NIPAL3: variants seen among roughly 807,000 people sequenced by gnomAD.
NIPAL3 encodes the protein NIPA like domain containing 3.
In NIPAL3, 41 loss-of-function variants were observed where a neutral mutation model predicts 47.2. The ratio of observed to expected loss-of-function variants is 0.87; its 90% CI spans 0.68 to 1.13. The LOEUF is 1.13. Ranked by LOEUF, NIPAL3 falls within the 50% of genes most tolerant of loss-of-function variation. NIPAL3 has a pLI of 0.00. For synonymous variants in NIPAL3, 194 were observed against 209.6 expected, an observed-to-expected ratio of 0.93 and a Z score of 0.64; for missense variants, 449 against 530.1, an observed-to-expected ratio of 0.85 and a Z score of 1.50.
intron 6 of NIPAL3, among the ~76,000 whole-genome samples, chr1:24,452,352 G>A (rs1388452590): frequency 1.3e-5 from 2 of 152,156 alleles, no homozygotes; most frequent in Non-Finnish European, 2.9e-5. Context: ...GACTGTCCAG[G>A]TTTAAATTCC....
chr1:24,445,108 C>G, intron 4 of NIPAL3, 77 bp from the exon 5 acceptor site: 1 of 1,003,602 alleles, frequency 1.0e-6, no homozygotes. Flanking sequence ...AAGAAGCCAC[C>G]CAGAGGGCAT....
intron 10 of NIPAL3, among the ~76,000 whole-genome samples, chr1:24,460,914 A>G (rs1646440239): frequency 6.6e-6 from 1 of 152,176 alleles, no homozygotes; most frequent in Non-Finnish European, 1.5e-5. Context: ...GCCTACTACC[A>G]CACTGTTAGC....
intron 6 of NIPAL3, among the ~76,000 whole-genome samples, chr1:24,452,614 A>C (rs1390149792): frequency 3.3e-5 from 5 of 152,228 alleles, no homozygotes; most frequent in Non-Finnish European, 7.3e-5. Context: ...GTTCCAGCCC[A>C]GGTCTCCCTG....
In NIPAL3 at chr1:24,451,691, G is replaced by A. The variant is rs1570331469; in HGVS notation, c.541-1717G>A. On this transcript the variant is annotated intron_variant, in intron 6 of 11. Coordinates refer to ENST00000374399, the MANE Select transcript of NIPAL3 (RefSeq NM_020448.5). The surrounding 1 kb of genome is among the most constrained non-coding windows in gnomAD (Gnocchi z 4.5). Reference sequence around the variant, plus strand: ...TGCACTCCAGCCTGAGTGACACAGTGAGACCCTGTCTCAAAAAAAGAAAAA... The same window carrying A: ...TGCACTCCAGCCTGAGTGACACAGTAAGACCCTGTCTCAAAAAAAGAAAAA... Among the ~76,000 whole-genome samples the A allele has an allele frequency of 6.6e-6, 1 of 151,878 alleles. No homozygotes were observed. The highest frequency in any genetic ancestry group is 1.5e-5 in the Non-Finnish European group (1 of 67,980).
At chr1:24,413,845 C>G (rs531941135), upstream of NIPAL3, 29 of 152,348 alleles carry the variant, frequency 1.9e-4, no homozygotes, top group African/African-American at 6.7e-4. Context: ...AGAGGCGTTT[C>G]AAAGTCCGCA....
In NIPAL3 at chr1:24,472,870, A is replaced by G. The variant is rs750155441; in HGVS notation, c.*3685A>G. On this transcript the variant is annotated 3_prime_UTR_variant, in exon 12 of 12. Transcript: ENST00000374399. Reference sequence around the variant, plus strand: ...TAGAATATATTCTGTGCGGATGCTTATATTTTGTTAACTTCACGACTTATG... The same window carrying G: ...TAGAATATATTCTGTGCGGATGCTTGTATTTTGTTAACTTCACGACTTATG... 2.6e-5 allele frequency: 4 copies of G among 152,042 alleles called. No homozygotes were observed. Among genetic ancestry groups the G allele is most frequent in the Non-Finnish European group, 4.4e-5 (3 of 68,012 alleles). 9.4% of individuals were successfully genotyped at this position (152,042 alleles called of 1,614,324 possible). A position where few individuals can be genotyped will look rare whatever the true frequency, so the allele number is the denominator to read the frequency against.
chr1:24,432,822 G>A (rs940154971), intron 2 of NIPAL3, among the ~76,000 whole-genome samples: 6 of 152,168 alleles, frequency 3.9e-5, no homozygotes, highest in Admixed American at 2.0e-4. Context: ...TATCATTGTC[G>A]TCATCATCTC....
At chr1:24,425,754 A>G (rs1644553582) in intron 2 of NIPAL3, among the ~76,000 whole-genome samples, 1 of 152,136 alleles carries the variant, frequency 6.6e-6, no homozygotes, top group Non-Finnish European at 1.5e-5. Context: ...GGTAAGTCTT[A>G]TACCCATCCT....
At chr1:24,419,716 A>G in intron 2 of NIPAL3, 76 bp downstream of exon 2, 1 of 1,259,878 alleles carries the variant, frequency 7.9e-7, no homozygotes, top group Non-Finnish European at 1.1e-6. Context: ...ATTGGCTAAC[A>G]GATATGTATG....
At chr1:24,438,244 G>C (rs1438346705) in intron 2 of NIPAL3, among the ~76,000 whole-genome samples, 1 of 152,186 alleles carries the variant, frequency 6.6e-6, no homozygotes, top group East Asian at 1.9e-4. Flanking sequence ...ATTCTGTCTT[G>C]CTGCTCATCG....
intron 2 of NIPAL3, 130 bp downstream of exon 2, chr1:24,419,770 C>A: frequency 3.8e-6 from 3 of 788,660 alleles, no homozygotes; most frequent in Admixed American, 2.3e-5. Flanking sequence ...AGGCTCTTCA[C>A]ACAGACAAGG....
At position 24,440,168 on chromosome 1, in the gene NIPAL3, A is replaced by ACAG; in HGVS notation, c.94-3_94-1dup. On this transcript the variant is annotated splice_polypyrimidine_tract_variant and splice_region_variant and intron_variant, in intron 2 of 11. Coordinates refer to ENST00000374399, the MANE Select transcript of NIPAL3 (RefSeq NM_020448.5). ...ATGTCCACTCCTGTGAACTTTCCTT[A>ACAG]CAGGAAAACCTGATTGGCGCCCTCT... is the stretch of plus-strand genomic sequence containing the variant. 6.3e-7 allele frequency: 1 copy of ACAG among 1,578,852 alleles called. No homozygotes were observed.
intron 4 of NIPAL3, among the ~76,000 whole-genome samples, chr1:24,443,087 G>A (rs1419282000): frequency 6.6e-6 from 1 of 152,192 alleles, no homozygotes; most frequent in Non-Finnish European, 1.5e-5. Flanking sequence ...ACAATTGTAA[G>A]CCACCACACT....
intron 2 of NIPAL3, among the ~76,000 whole-genome samples, chr1:24,425,242 A>G (rs1166343936): frequency 1.3e-5 from 2 of 152,236 alleles, no homozygotes; most frequent in Non-Finnish European, 2.9e-5. Context: ...TGTCCAACCC[A>G]CAGCCCAGGA....
Position 24,469,196 on chromosome 1 carries a change from C to A in NIPAL3, c.*11C>A. 1.9e-6 allele frequency: 3 copies of A among 1,610,760 alleles called. No individual in the cohort carries two copies. Among genetic ancestry groups the A allele is most frequent in the Non-Finnish European group, 1.7e-6 (2 of 1,178,650 alleles). The stretch of plus-strand genomic sequence containing the variant: ...ACCAAGAAGGAATGAGACTCGCCTC[C>A]CTCTATTTATAACTGTCCCCTCCAG... On this transcript the variant is annotated 3_prime_UTR_variant, in exon 12 of 12. Transcript: ENST00000374399.
At chr1:24,419,741 G>C (rs1398153541) in intron 2 of NIPAL3, 101 bp downstream of exon 2, 1 of 1,005,528 alleles carries the variant, frequency 9.9e-7, no homozygotes, top group Non-Finnish European at 1.5e-6. Context: ...CTGCATGCCT[G>C]TCACTGGTAG....
rs1570160666 is a variant in NIPAL3, at chr1:24,419,451, T to G, written c.-97T>G. On this transcript the variant is annotated 5_prime_UTR_variant, in exon 2 of 12. Coordinates refer to ENST00000374399, the MANE Select transcript of NIPAL3 (RefSeq NM_020448.5). The stretch of plus-strand genomic sequence containing the variant: ...GGAAGTGACGGCTGCTGGAGGGAGG[T>G]GAACACCACAAGGAGAGATGGCATC... 6 of 1,389,240 alleles carry G rather than the reference T, an allele frequency of 4.3e-6. No homozygotes were observed. Among genetic ancestry groups the G allele is most frequent in the Non-Finnish European group, 9.4e-7 (1 of 1,067,382 alleles). 86.1% of individuals were successfully genotyped at this position (1,389,240 alleles called of 1,614,324 possible).
intron 11 of NIPAL3, among the ~76,000 whole-genome samples, chr1:24,467,915 G>A (rs886936049): frequency 5.9e-5 from 9 of 152,182 alleles, no homozygotes. Context: ...TTAGATGTCA[G>A]CTGTTATTAT....
chr1:24,446,608 A>AT (rs966135986), intron 5 of NIPAL3, among the ~76,000 whole-genome samples: 119 of 151,938 alleles, frequency 7.8e-4, no homozygotes, highest in Admixed American at 6.5e-3. Context: ...ATATGATATC[A>AT]TTTTTTTTGG....
Sources: gnomAD v4.1 joint callset for allele counts (sites outside exome capture counted in the v4.1 genomes callset) on GRCh38, gnomAD v4.1.1 for gene constraint, Gnocchi (gnomAD v3.1) non-coding constraint, MANE v1.5 for transcripts, NCBI Gene and HGNC (gene_info 2026-07-23, HGNC 2026-07-21) for gene names.